ZC3H12B: variants seen among roughly 807,000 people sequenced by gnomAD.
The protein encoded by ZC3H12B is probable ribonuclease ZC3H12B.
In ZC3H12B, 7 loss-of-function variants were observed where a neutral mutation model predicts 43.9. That is an observed-to-expected ratio of 0.16 (90% confidence interval 0.09 to 0.30). ZC3H12B has a LOEUF of 0.30. Ranked by LOEUF, ZC3H12B falls within the 10% of genes least tolerant of loss-of-function variation. ZC3H12B has a pLI of 1.00. For missense variants in ZC3H12B, 475 were observed against 670.2 expected (o/e 0.71, Z 3.22); for synonymous variants, 222 against 241.7 (o/e 0.92, Z 0.76).
intron 2 of ZC3H12B, among the ~76,000 whole-genome samples, chrX:65,383,740 C>G (rs1423005830): frequency 9.0e-6 from 1 of 111,275 alleles, no homozygotes. Context: ...CTACAATGAA[C>G]TCAAACAAAT....
chrX:65,177,780 C>G, the ZC3H12B span, among the ~76,000 whole-genome samples: 1 of 112,139 alleles, frequency 8.9e-6, no homozygotes, highest in Admixed American at 9.5e-5. Context: ...AGAGAGGACA[C>G]AAACAATTGG....
At chrX:65,065,107 T>A in the ZC3H12B span, among the ~76,000 whole-genome samples, 2 of 111,632 alleles carry the variant, frequency 1.8e-5, no homozygotes, top group African/African-American at 6.5e-5. Flanking sequence ...TTTGCCAGTC[T>A]GTATCTTTTA....
chrX:65,501,723 A>G, intron 4 of ZC3H12B, 66 bp from the exon 10 acceptor site: 1 of 1,040,849 alleles, frequency 9.6e-7, no homozygotes, highest in South Asian at 2.4e-5. Context: ...AGATTGTTAC[A>G]ACAGTTTTTG....
the ZC3H12B span, among the ~76,000 whole-genome samples, chrX:65,317,824 T>C: frequency 2.0e-5 from 2 of 101,889 alleles, no homozygotes; most frequent in Non-Finnish European, 3.9e-5. Context: ...TATATATATA[T>C]ACACACTGTA....
At chrX:65,328,386 A>G in the ZC3H12B span, 4 of 237,054 alleles carry the variant, frequency 1.7e-5, no homozygotes, top group East Asian at 4.2e-4. Flanking sequence ...AATGAAACCC[A>G]CATTCTTCTT....
the ZC3H12B span, among the ~76,000 whole-genome samples, chrX:65,260,592 A>G: frequency 8.9e-6 from 1 of 112,262 alleles, no homozygotes; most frequent in Non-Finnish European, 1.9e-5. Context: ...GACAAAGAAT[A>G]ACAGATATTG....
At chrX:65,307,869 A>G in the ZC3H12B span, among the ~76,000 whole-genome samples, 1 of 112,248 alleles carries the variant, frequency 8.9e-6, no homozygotes, top group African/African-American at 3.2e-5. Context: ...GGACAAAGAT[A>G]AAATTTTACT....
chrX:65,486,137 A>G (rs2068121485), upstream of ZC3H12B, among the ~76,000 whole-genome samples: 1 of 112,364 alleles, frequency 8.9e-6, no homozygotes, highest in Non-Finnish European at 1.9e-5. Context: ...TCTGTATGTC[A>G]ATGAAAATTT....
the ZC3H12B span, among the ~76,000 whole-genome samples, chrX:65,202,103 T>TAC: frequency 4.3e-4 from 32 of 75,204 alleles, 1 homozygote; most frequent in African/African-American, 2.8e-3. Flanking sequence ...ATATATATTT[T>TAC]ATATAATATA....
chrX:65,194,038 A>G, the ZC3H12B span, among the ~76,000 whole-genome samples: 1 of 109,218 alleles, frequency 9.2e-6, no homozygotes, highest in African/African-American at 3.3e-5. Flanking sequence ...ATACTTTTAA[A>G]CAACCAGATA....
the ZC3H12B span, among the ~76,000 whole-genome samples, chrX:65,103,331 G>A: frequency 1.9e-4 from 21 of 111,743 alleles, no homozygotes; most frequent in Non-Finnish European, 3.2e-4. Context: ...TGTTCCGCCC[G>A]GCTCTCAGGC....
the ZC3H12B span, among the ~76,000 whole-genome samples, chrX:65,197,515 A>C: frequency 1.8e-5 from 2 of 112,551 alleles, no homozygotes; most frequent in African/African-American, 3.2e-5. Context: ...CAAAAGGCCA[A>C]TGAGTTAATT....
At chrX:65,138,585 A>G in the ZC3H12B span, among the ~76,000 whole-genome samples, 1 of 111,781 alleles carries the variant, frequency 8.9e-6, no homozygotes, top group Non-Finnish European at 1.9e-5. Context: ...ATTTATTTTT[A>G]TTTTATTCAC....
chrX:65,163,365 C>A, the ZC3H12B span, among the ~76,000 whole-genome samples: 1 of 111,523 alleles, frequency 9.0e-6, no homozygotes, highest in Admixed American at 9.5e-5. Flanking sequence ...TGTGCCCTGC[C>A]CCCAGAAGTG....
the ZC3H12B span, among the ~76,000 whole-genome samples, chrX:65,184,092 AT>A: frequency 1.8e-5 from 2 of 111,616 alleles, no homozygotes; most frequent in African/African-American, 6.5e-5. Context: ...CACACAACAC[AT>A]TAACATATAG....
chrX:65,054,105 T>G, the ZC3H12B span, among the ~76,000 whole-genome samples: 1 of 112,062 alleles, frequency 8.9e-6, no homozygotes, highest in South Asian at 3.6e-4. Flanking sequence ...AGAAGCTCTT[T>G]AGTTTAATTA....
chrX:65,439,526 C>A (rs2067274240), intron 3 of ZC3H12B, among the ~76,000 whole-genome samples: 2 of 111,726 alleles, frequency 1.8e-5, no homozygotes, highest in African/African-American at 6.5e-5. Flanking sequence ...CTAACTGGGT[C>A]CAATCCTGTT....
At chrX:65,472,484 A>C (rs1052665110) in intron 3 of ZC3H12B, among the ~76,000 whole-genome samples, 8 of 109,120 alleles carry the variant, frequency 7.3e-5, no homozygotes, top group African/African-American at 2.7e-4. Flanking sequence ...CTGGGATCAT[A>C]CCCAAAAAAT....
Position 65,472,290 on chromosome X carries a change from C to T in ZC3H12B, n.408-16356C>T, listed in dbSNP as rs2067925899. 2.7e-5 allele frequency among the ~76,000 whole-genome samples: 3 copies of T among 110,990 alleles called. No individual in the cohort carries two copies. In the Admixed American group the frequency reaches 2.9e-4, roughly 11 times the overall value. ...TCTCAATATATTTTGGATGTTAATC[C>T]TTTATTAGATATATGTTTTCCAAAT... On this transcript the variant is annotated intron_variant and non_coding_transcript_variant, in intron 3 of 5. Coordinates refer to the ZC3H12B transcript ENST00000617377.
Sources: allele counts gnomAD v4.1 joint callset (sites outside exome capture counted in the v4.1 genomes callset), GRCh38; gene constraint gnomAD v4.1.1; transcripts MANE v1.5; gene names NCBI Gene and HGNC (gene_info 2026-07-23, HGNC 2026-07-21).